Variants in ZNF704 observed in about 807,000 individuals in gnomAD.
ZNF704 encodes zinc finger protein 704.
A neutral mutation model predicts 44.7 loss-of-function variants in ZNF704; 10 were observed. The observed-to-expected ratio is 0.22, with a 90% CI of 0.14 to 0.38. The LOEUF is 0.38. ZNF704 is among the 10% of genes least tolerant of loss of function. The probability of loss-of-function intolerance (pLI) is 1.00; values close to 1 mark genes in which losing one functional copy is unlikely to be tolerated. For synonymous variants in ZNF704, 211 were observed against 207.6 expected (o/e 1.02, Z -0.14); for missense variants, 390 against 545.5 (o/e 0.71, Z 2.84).
intron 1 of ZNF704, 94 bp from the exon 2 acceptor site, chr8:80,821,709 C>T (rs550790092): frequency 4.7e-6 from 4 of 852,962 alleles, no homozygotes; most frequent in Admixed American, 5.0e-5. Flanking sequence ...CAGACACTGT[C>T]CTTCCTGTTC....
At chr8:80,840,954 G>C (rs904591021) in intron 1 of ZNF704, among the ~76,000 whole-genome samples, 5 of 152,158 alleles carry the variant, frequency 3.3e-5, no homozygotes, top group African/African-American at 1.2e-4. Context: ...AACATAAAGA[G>C]GATTATTGAT....
rs1817723550 is a variant in ZNF704 at position 80,640,360 on chromosome 8, TG to T, written c.*1005del. On this transcript the variant is annotated 3_prime_UTR_variant, in exon 9 of 9. Transcript: ENST00000327835. ...GCTCTGTTGTCTAAAGCAAACCTGC[TG>T]GGACAGTTTGGAGTTCTCTACCTCT... is the stretch of plus-strand genomic sequence containing the variant. The T allele has an allele frequency of 6.6e-6, 1 of 152,666 alleles. No homozygotes were observed. The highest frequency in any genetic ancestry group is 2.1e-4 in the South Asian group (1 of 4,824). The allele number at this position is 152,666 out of a possible 1,614,324, so 9.5% of individuals were successfully genotyped here.
At chr8:80,692,775 A>G (rs1262875068) in intron 3 of ZNF704, among the ~76,000 whole-genome samples, 3 of 152,224 alleles carry the variant, frequency 2.0e-5, no homozygotes, top group Non-Finnish European at 4.4e-5. Flanking sequence ...GCTCAATAAA[A>G]GTGAGTTGAA....
chr8:80,807,288 C>T (rs1387473631), intron 2 of ZNF704, among the ~76,000 whole-genome samples: 1 of 152,150 alleles, frequency 6.6e-6, no homozygotes, highest in African/African-American at 2.4e-5. Flanking sequence ...CTGGGTGCCA[C>T]ATGCAGGCGG....
chr8:80,873,619 C>CTCGTCGTCT (rs1185867953), intron 1 of ZNF704: 6 of 152,852 alleles, frequency 3.9e-5, no homozygotes, highest in African/African-American at 1.5e-4. Flanking sequence ...CCTCGCCGTC[C>CTCGTCGTCT]TCGTCGTCTT....
intron 2 of ZNF704, among the ~76,000 whole-genome samples, chr8:80,773,292 G>C (rs569050953): frequency 6.6e-6 from 1 of 152,102 alleles, no homozygotes; most frequent in Admixed American, 6.5e-5. Flanking sequence ...CCTTTGTATA[G>C]CTTTCTTTAG....
chr8:80,848,303 T>C (rs903355644), intron 1 of ZNF704, among the ~76,000 whole-genome samples: 1 of 152,190 alleles, frequency 6.6e-6, no homozygotes, highest in African/African-American at 2.4e-5. Flanking sequence ...GGCGAAAAGT[T>C]CTGTGTCTAC....
At chr8:80,644,027 T>A (rs949666363) in intron 7 of ZNF704, among the ~76,000 whole-genome samples, 6 of 151,812 alleles carry the variant, frequency 4.0e-5, no homozygotes, top group Non-Finnish European at 7.4e-5. Flanking sequence ...AGGCAGAGAG[T>A]CTGAGCAAAT....
At chr8:80,830,226 G>C (rs1427884993) in intron 1 of ZNF704, among the ~76,000 whole-genome samples, 2 of 152,108 alleles carry the variant, frequency 1.3e-5, no homozygotes, top group African/African-American at 4.8e-5. Context: ...TTTTAAGACA[G>C]GAGGTAAAAG....
intron 4 of ZNF704, among the ~76,000 whole-genome samples, chr8:80,684,538 G>A (rs1818503480): frequency 6.6e-6 from 1 of 152,114 alleles, no homozygotes; most frequent in Admixed American, 6.5e-5. Context: ...ATGAAACTGA[G>A]GGAAAGGAGA....
intron 4 of ZNF704, among the ~76,000 whole-genome samples, chr8:80,673,597 G>A (rs1345056702): frequency 6.6e-6 from 1 of 152,180 alleles, no homozygotes; most frequent in Non-Finnish European, 1.5e-5. Flanking sequence ...TTGAGTCTAT[G>A]AAGCAATCAT....
chr8:80,761,233 T>TA (rs1807125280), intron 2 of ZNF704, among the ~76,000 whole-genome samples: 1 of 152,190 alleles, frequency 6.6e-6, no homozygotes, highest in Non-Finnish European at 1.5e-5. Flanking sequence ...ACCTTGATCT[T>TA]AGACTTCTCA....
chr8:80,676,924 G>A (rs1818377101), intron 4 of ZNF704, among the ~76,000 whole-genome samples: 1 of 152,198 alleles, frequency 6.6e-6, no homozygotes, highest in East Asian at 1.9e-4. Context: ...GCTGTGTGGC[G>A]GGGTTCCTAA....
intron 7 of ZNF704, among the ~76,000 whole-genome samples, chr8:80,646,554 A>G (rs1218005095): frequency 4.6e-5 from 7 of 152,190 alleles, no homozygotes; most frequent in Non-Finnish European, 1.0e-4. Context: ...GAACTATTCT[A>G]TACCACTGGT....
In ZNF704 at chr8:80,641,269, G is replaced by T; in HGVS notation, c.*97C>A. 1.4e-6 allele frequency: 1 copy of T among 723,486 alleles called. No individual in the cohort carries two copies. The highest frequency in any genetic ancestry group is 2.2e-6 in the Non-Finnish European group (1 of 460,470). 44.8% of individuals were successfully genotyped at this position (723,486 alleles called of 1,614,324 possible). A position where few individuals can be genotyped will look rare whatever the true frequency, so the allele number is the denominator to read the frequency against. On this transcript the variant is annotated 3_prime_UTR_variant, in exon 9 of 9. Coordinates refer to ENST00000327835, the MANE Select transcript of ZNF704 (RefSeq NM_001033723.3). ...GAAAGGGCTTTTCCTGGCTTCAACT[G>T]TGTTTTATTCAGTAGGAAAAGCTCT...
At chr8:80,848,902 T>C (rs1563575784) in intron 1 of ZNF704, among the ~76,000 whole-genome samples, 1 of 152,220 alleles carries the variant, frequency 6.6e-6, no homozygotes, top group Non-Finnish European at 1.5e-5. Flanking sequence ...GAGATTATAC[T>C]ATTAGTTAAG....
chr8:80,717,748 G>A (rs1335544530), intron 2 of ZNF704, among the ~76,000 whole-genome samples: 7 of 152,072 alleles, frequency 4.6e-5, no homozygotes, highest in Admixed American at 1.3e-4. Flanking sequence ...TCTTCAAACT[G>A]CCTCCTAGTG....
intron 1 of ZNF704, among the ~76,000 whole-genome samples, chr8:80,862,147 G>C (rs1338479038): frequency 6.6e-6 from 1 of 151,178 alleles, no homozygotes; most frequent in Non-Finnish European, 1.5e-5. Context: ...GGGATTACAG[G>C]CACCCGCCAC....
rs1035615763 is a variant in ZNF704 at position 80,633,718 on chromosome 8, C to G, written c.*7648G>C. The G allele has an allele frequency of 6.6e-6, 1 of 152,148 alleles. No homozygotes were observed. The highest frequency in any genetic ancestry group is 2.4e-5 in the African/African-American group (1 of 41,422). 9.4% of individuals were successfully genotyped at this position (152,148 alleles called of 1,614,324 possible). ...TTCTACACTGGGTTCTTACAAAGAT[C>G]AAATGAAATAGTGTGTGAACGAGAC... On this transcript the variant is annotated 3_prime_UTR_variant, in exon 9 of 9. Transcript: ENST00000327835.
Sources: gnomAD v4.1 joint callset for allele counts (sites outside exome capture counted in the v4.1 genomes callset) on GRCh38, gnomAD v4.1.1 for gene constraint, MANE v1.5 for transcripts, NCBI Gene and HGNC (gene_info 2026-07-23, HGNC 2026-07-21) for gene names.